PRKG1: variants seen among roughly 807,000 people sequenced by gnomAD.
PRKG1 encodes cGMP-dependent protein kinase 1.
A neutral mutation model predicts 88.1 loss-of-function variants in PRKG1; 35 were observed. The observed-to-expected ratio is 0.40, with a 90% CI of 0.30 to 0.53. The LOEUF is 0.53. PRKG1 is among the 20% of genes least tolerant of loss of function. PRKG1 has a pLI of 0.59. For synonymous variants in PRKG1, 303 were observed against 292.5 expected, an observed-to-expected ratio of 1.04 and a Z score of -0.37; for missense variants, 540 against 839.8, an observed-to-expected ratio of 0.64 and a Z score of 4.41.
At chr10:52,211,436 C>A (rs1839968626) in intron 9 of PRKG1, among the ~76,000 whole-genome samples, 1 of 152,092 alleles carries the variant, frequency 6.6e-6, no homozygotes, top group Non-Finnish European at 1.5e-5. Flanking sequence ...AGCCTATAAC[C>A]AGCTGTCCGG....
chr10:52,139,912 A>T (rs1564486696), intron 8 of PRKG1, among the ~76,000 whole-genome samples: 1 of 152,166 alleles, frequency 6.6e-6, no homozygotes, highest in Non-Finnish European at 1.5e-5. Flanking sequence ...CTCATGGGAC[A>T]AATTACCTTT....
At position 52,262,399 on chromosome 10, in the gene PRKG1, G is replaced by A. The variant is rs1474719817; in HGVS notation, c.1174-8951G>A. On this transcript the variant is annotated intron_variant, in intron 10 of 17. Coordinates refer to ENST00000373980, the MANE Select transcript of PRKG1 (RefSeq NM_006258.4). Reference sequence around the variant, plus strand: ...CAATTCTCCTGCCTCAGCCTCCTGAGTAGCTGGATTACAGGTGCCCACTGC... The same window carrying A: ...CAATTCTCCTGCCTCAGCCTCCTGAATAGCTGGATTACAGGTGCCCACTGC... Among the ~76,000 whole-genome samples the A allele has an allele frequency of 2.0e-5, 3 of 151,988 alleles. No homozygotes were observed. In the East Asian group the frequency reaches 5.8e-4, roughly 30 times the overall value.
chr10:52,251,544 C>G lies in PRKG1; in HGVS notation c.1077-26C>G, dbSNP rs1320744384. 3 of 1,594,284 alleles carry G rather than the reference C, an allele frequency of 1.9e-6. No homozygotes were observed. In the South Asian group the frequency reaches 3.3e-5, roughly 18 times the overall value. The stretch of plus-strand genomic sequence containing the variant: ...TCGTGTTTGCACCTCTAAGAAATTT[C>G]CATTTTTTCACATCAAAAAATCCAG... On this transcript the variant is annotated intron_variant, in intron 9 of 17. Transcript: ENST00000373980.
At chr10:52,073,725 T>C (rs1166772019) in intron 7 of PRKG1, among the ~76,000 whole-genome samples, 1 of 152,178 alleles carries the variant, frequency 6.6e-6, no homozygotes, top group African/African-American at 2.4e-5. Context: ...ACCCATTATA[T>C]GGACCTTAAT....
chr10:51,492,511 C>T (rs1840732324), intron 3 of PRKG1, among the ~76,000 whole-genome samples: 1 of 152,072 alleles, frequency 6.6e-6, no homozygotes, highest in African/African-American at 2.4e-5. Context: ...TAAGCTAATC[C>T]AGTTAATCAG....
At chr10:51,883,440 A>C (rs917638529) in intron 4 of PRKG1, among the ~76,000 whole-genome samples, 2 of 152,258 alleles carry the variant, frequency 1.3e-5, no homozygotes, top group Non-Finnish European at 2.9e-5. Flanking sequence ...ACCCTAGCTA[A>C]TACATAACAA....
chr10:51,166,319 G>T (rs976260613), intron 2 of PRKG1, among the ~76,000 whole-genome samples: 3 of 151,574 alleles, frequency 2.0e-5, no homozygotes, highest in Non-Finnish European at 4.4e-5. Flanking sequence ...TTTATACTTT[G>T]TGCCAATATG....
At chr10:51,006,240 T>C (rs916805926) in intron 1 of PRKG1, among the ~76,000 whole-genome samples, 3 of 152,204 alleles carry the variant, frequency 2.0e-5, no homozygotes, top group Non-Finnish European at 2.9e-5. Context: ...TGGGAAGACA[T>C]ATGAACTATT....
intron 9 of PRKG1, among the ~76,000 whole-genome samples, chr10:52,228,768 C>T (rs1291110755): frequency 6.6e-6 from 1 of 152,182 alleles, no homozygotes; most frequent in Non-Finnish European, 1.5e-5. Context: ...ATCTAGAGTA[C>T]TGAAGACACA....
At chr10:51,518,878 C>A (rs1250118900) in intron 3 of PRKG1, among the ~76,000 whole-genome samples, 1 of 152,114 alleles carries the variant, frequency 6.6e-6, no homozygotes, top group African/African-American at 2.4e-5. Context: ...TTTGAAATTT[C>A]TCATGGTTCT....
At chr10:52,167,984 G>C (rs1278583282) in intron 9 of PRKG1, among the ~76,000 whole-genome samples, 1 of 152,042 alleles carries the variant, frequency 6.6e-6, no homozygotes, top group Non-Finnish European at 1.5e-5. Context: ...ATATCCCTTG[G>C]TATACATAAA....
chr10:52,237,436 A>C (rs1296920378), intron 9 of PRKG1, among the ~76,000 whole-genome samples: 2 of 109,652 alleles, frequency 1.8e-5, no homozygotes, highest in Non-Finnish European at 3.6e-5. Flanking sequence ...TCTCAGCCCA[A>C]AATCTCCTTA....
chr10:52,266,414 CCT>C (rs1256008127), intron 10 of PRKG1, among the ~76,000 whole-genome samples: 5 of 151,896 alleles, frequency 3.3e-5, no homozygotes, highest in South Asian at 2.1e-4. Context: ...TGTTCCTCCC[CCT>C]GTGTCCATGT....
rs1231858226 is a variant in PRKG1 at position 52,298,143 on chromosome 10, G to T, written c.*4243G>T. 6.6e-6 allele frequency: 1 copy of T among 151,892 alleles called. No homozygotes were observed. Among genetic ancestry groups the T allele is most frequent in the Non-Finnish European group, 1.5e-5 (1 of 67,980 alleles). 9.4% of individuals were successfully genotyped at this position (151,892 alleles called of 1,614,324 possible). A position where few individuals can be genotyped will look rare whatever the true frequency, so the allele number is the denominator to read the frequency against. On this transcript the variant is annotated 3_prime_UTR_variant, in exon 18 of 18. Transcript: ENST00000373980. ...TTATTTGATTGTCCTCTTACAATTT[G>T]TTCTACATGAAAGAGTTCTTTGTTA...
chr10:51,651,039 T>C (rs1840026277), intron 3 of PRKG1, among the ~76,000 whole-genome samples: 1 of 152,218 alleles, frequency 6.6e-6, no homozygotes, highest in Admixed American at 6.5e-5. Flanking sequence ...AGAGATGTTA[T>C]TGAAGTCCAA....
Position 51,193,328 on chromosome 10 carries a change from A to G in PRKG1, c.478+39998A>G, listed in dbSNP as rs570237252. ...TTGAATATGCAGATTTCTGTGTCCCACCCTATATACACTGATTCAGAGTCA... is the reference window on the plus strand; with the variant it reads ...TTGAATATGCAGATTTCTGTGTCCCGCCCTATATACACTGATTCAGAGTCA... On this transcript the variant is annotated intron_variant, in intron 2 of 17. Transcript: ENST00000373980. Among the ~76,000 whole-genome samples, 17 of 152,084 alleles carry G rather than the reference A, an allele frequency of 1.1e-4. No individual in the cohort carries two copies. In the East Asian group the frequency reaches 3.3e-3, roughly 29 times the overall value.
intron 3 of PRKG1, among the ~76,000 whole-genome samples, chr10:51,653,733 A>AT (rs1840096480): frequency 1.3e-5 from 2 of 151,812 alleles, no homozygotes; most frequent in African/African-American, 2.4e-5. Flanking sequence ...TGCCTGGCTA[A>AT]TTTTTTGTGT....
intron 3 of PRKG1, among the ~76,000 whole-genome samples, chr10:51,715,813 A>T (rs1304339939): frequency 1.3e-5 from 2 of 152,214 alleles, no homozygotes; most frequent in Non-Finnish European, 2.9e-5. Flanking sequence ...TAGAAAACTT[A>T]GATGTGTATT....
intron 3 of PRKG1, among the ~76,000 whole-genome samples, chr10:51,686,122 G>A (rs1047819520): frequency 1.3e-5 from 2 of 152,126 alleles, no homozygotes; most frequent in Admixed American, 6.5e-5. Flanking sequence ...TCCTCAGGAC[G>A]AGTAGTTTTG....
Sources: allele counts gnomAD v4.1 joint callset (sites outside exome capture counted in the v4.1 genomes callset), GRCh38; gene constraint gnomAD v4.1.1; transcripts MANE v1.5; gene names NCBI Gene and HGNC (gene_info 2026-07-23, HGNC 2026-07-21).